EHMT1: variants seen among roughly 807,000 people sequenced by gnomAD.
EHMT1 encodes histone-lysine N-methyltransferase EHMT1.
A neutral mutation model predicts 147.2 loss-of-function variants in EHMT1; 15 were observed. That is an observed-to-expected ratio of 0.10 (90% CI 0.07 to 0.16). The LOEUF is 0.16. EHMT1 is among the 10% of genes least tolerant of loss of function. The pLI is 1.00. For missense variants in EHMT1, 1,587 were observed against 1,772.4 expected (o/e 0.90, Z 1.88); for synonymous variants, 795 against 709.6 (o/e 1.12, Z -1.91).
chr9:137,620,391 G>A (rs1273791189), intron 1 of EHMT1, among the ~76,000 whole-genome samples: 1 of 152,070 alleles, frequency 6.6e-6, no homozygotes, highest in Non-Finnish European at 1.5e-5. Flanking sequence ...AGCAGGTGCT[G>A]TTATTTCCTT....
intron 1 of EHMT1, among the ~76,000 whole-genome samples, chr9:137,626,542 A>AG (rs1843271281): frequency 1.3e-5 from 2 of 151,896 alleles, no homozygotes; most frequent in African/African-American, 4.8e-5. Context: ...AAAAAAAAAA[A>AG]AAAAAGTTGT....
chr9:137,725,779 C>T (rs1946564314), intron 3 of EHMT1, among the ~76,000 whole-genome samples: 1 of 152,122 alleles, frequency 6.6e-6, no homozygotes, highest in African/African-American at 2.4e-5. Context: ...GAGGTGGAGA[C>T]CGTGAGGCCG....
chr9:137,748,769 C>G (rs750406168), intron 6 of EHMT1, among the ~76,000 whole-genome samples: 1 of 152,196 alleles, frequency 6.6e-6, no homozygotes, highest in Non-Finnish European at 1.5e-5. Context: ...TATTCACATC[C>G]CAAACATTTA....
intron 16 of EHMT1, among the ~76,000 whole-genome samples, chr9:137,797,114 C>T (rs1044138789): frequency 3.3e-5 from 5 of 151,688 alleles, no homozygotes; most frequent in Non-Finnish European, 5.9e-5. Context: ...GATAACTTCT[C>T]GGAAGGAGGC....
Position 137,758,021 on chromosome 9 carries a change from G to A in EHMT1, c.1501+10G>A. 6.2e-7 allele frequency: 1 copy of A among 1,614,044 alleles called. No homozygotes were observed. The highest frequency in any genetic ancestry group is 1.7e-5 in the Admixed American group (1 of 60,026). On this transcript the variant is annotated intron_variant, in intron 9 of 26. Coordinates refer to ENST00000460843, the MANE Select transcript of EHMT1 (RefSeq NM_024757.5). ...TCTTCACAAGCAGAAGGTGAATGTG[G>A]TGGTGTAACTTAGACCGGGCACCAT... is the stretch of plus-strand genomic sequence containing the variant.
At chr9:137,728,227 A>G (rs1946800058) in intron 3 of EHMT1, 122 bp from the exon 4 acceptor site, 1 of 1,394,256 alleles carries the variant, frequency 7.2e-7, no homozygotes, top group Non-Finnish European at 1.0e-6. Flanking sequence ...TCCTCTCTCC[A>G]TTGTATCTCA....
In EHMT1 at chr9:137,754,258, C is replaced by T. The variant is rs1394339903; in HGVS notation, c.1336C>T (p.Arg446Trp). 8.7e-6 allele frequency: 14 copies of T among 1,613,886 alleles called. No individual in the cohort carries two copies. Among genetic ancestry groups the T allele is most frequent in the African/African-American group, 1.3e-5 (1 of 74,870 alleles). Residue 446 changes from arginine to tryptophan, a missense_variant, in exon 8 of 27, where the codon CGG becomes TGG. Arg to Trp is a moderately radical substitution (Grantham distance 101, BLOSUM62 -3). Coordinates refer to ENST00000460843, the MANE Select transcript of EHMT1 (RefSeq NM_024757.5). ...GATCAAGCCAGCCAGGAAAAGGAGG[C>T]GGAGAAGTAGAAAGAAGCCCAGCGG... Reference protein sequence around the residue: ...PWIKPARKRRRRSRKKPSGAL... With the variant: ...PWIKPARKRRWRSRKKPSGAL...
At position 137,787,222 on chromosome 9, in the gene EHMT1, T is replaced by G. The variant is rs80265092; in HGVS notation, c.2383-3626T>G. The G allele has an allele frequency of 6.6e-6, 1 of 152,240 alleles. No homozygotes were observed. The highest frequency in any genetic ancestry group is 2.4e-5 in the African/African-American group (1 of 41,384). The allele number at this position is 152,240 out of a possible 1,614,324, so 9.4% of individuals were successfully genotyped here. On this transcript the variant is annotated intron_variant, in intron 15 of 26. Transcript: ENST00000460843. This position sits in a 1 kb window ranked among gnomAD's most constrained non-coding sequence, Gnocchi z 4.2. The stretch of plus-strand genomic sequence containing the variant: ...TCTGTCATCTCTCATTAAAAAAAAA[T>G]GTTGTAAATTCCTTTACTGTTATCT...
chr9:137,681,343 C>T (rs1187646592), intron 1 of EHMT1, among the ~76,000 whole-genome samples: 1 of 152,144 alleles, frequency 6.6e-6, no homozygotes, highest in Non-Finnish European at 1.5e-5. Context: ...AGCTCCAGGC[C>T]TCAGGATTTT....
chr9:137,780,296 A>ACGCTGAGATGTGTGGTGATGACGGCAT (rs1554880622), intron 14 of EHMT1, among the ~76,000 whole-genome samples: 52 of 129,954 alleles, frequency 4.0e-4, no homozygotes, highest in Non-Finnish European at 6.5e-4. Context: ...TGTGGTGATG[A>ACGCTGAGATGTGTGGTGATGACGGCAT]CGCTGAGATG....
At chr9:137,623,074 G>A (rs1299849345) in intron 1 of EHMT1, among the ~76,000 whole-genome samples, 2 of 151,700 alleles carry the variant, frequency 1.3e-5, no homozygotes, top group Admixed American at 6.6e-5. Context: ...TTAGCCGGGT[G>A]TGGTGGCGGC....
chr9:137,686,866 G>A (rs1040949595), intron 1 of EHMT1, among the ~76,000 whole-genome samples: 1 of 151,960 alleles, frequency 6.6e-6, no homozygotes, highest in East Asian at 1.9e-4. Flanking sequence ...GAGTAGCTGG[G>A]ACTACGGGCG....
rs557558005 is a variant in EHMT1, at chr9:137,782,615, C to G, written c.2382+218C>G. Reference sequence around the variant, plus strand: ...ACCACGGCCTTTGAGAAGAGCATGCCGCCATTTGGCTGTTTCTTGATTTGC... The same window carrying G: ...ACCACGGCCTTTGAGAAGAGCATGCGGCCATTTGGCTGTTTCTTGATTTGC... On this transcript the variant is annotated intron_variant, in intron 15 of 26. Transcript: ENST00000460843. This position sits in a 1 kb window ranked among gnomAD's most constrained non-coding sequence, Gnocchi z 5.7. Among the ~76,000 whole-genome samples, 1 of 152,240 alleles carries G rather than the reference C, an allele frequency of 6.6e-6. No homozygotes were observed. Among genetic ancestry groups the G allele is most frequent in the East Asian group, 1.9e-4 (1 of 5,176 alleles).
chr9:137,712,969 G>A (rs947531289), intron 2 of EHMT1, among the ~76,000 whole-genome samples: 3 of 152,028 alleles, frequency 2.0e-5, no homozygotes, highest in Non-Finnish European at 4.4e-5. Flanking sequence ...TTTGAAGTAG[G>A]GGTCCCAGTT....
At chr9:137,756,855 A>G (rs1046090296) in intron 8 of EHMT1, among the ~76,000 whole-genome samples, 21 of 152,064 alleles carry the variant, frequency 1.4e-4, no homozygotes, top group African/African-American at 4.1e-4. Context: ...CTGTTCTTCA[A>G]GTTGATGATG....
intron 1 of EHMT1, among the ~76,000 whole-genome samples, chr9:137,682,894 G>C (rs968900374): frequency 6.6e-6 from 1 of 152,210 alleles, no homozygotes; most frequent in African/African-American, 2.4e-5. Flanking sequence ...GAACAGGTGC[G>C]CTGCCTGCAG....
intron 25 of EHMT1, 84 bp from the exon 26 acceptor site, chr9:137,834,265 G>T: frequency 1.3e-6 from 2 of 1,557,756 alleles, no homozygotes; most frequent in Non-Finnish European, 1.7e-6. Flanking sequence ...CAGGCTCCGG[G>T]ACTGCCATGC....
At position 137,782,909 on chromosome 9, in the gene EHMT1, C is replaced by T. The variant is rs899975339; in HGVS notation, c.2382+512C>T. On this transcript the variant is annotated intron_variant, in intron 15 of 26. Coordinates refer to ENST00000460843, the MANE Select transcript of EHMT1 (RefSeq NM_024757.5). The surrounding 1 kb of genome is among the most constrained non-coding windows in gnomAD (Gnocchi z 5.7). ...AACCATCTGAACGCTGCCCGCTTGT[C>T]TCTGGGTTCAGACACACGACGCTGT... Among the ~76,000 whole-genome samples, 2 of 152,146 alleles carry T rather than the reference C, an allele frequency of 1.3e-5. No individual in the cohort carries two copies. Among genetic ancestry groups the T allele is most frequent in the Non-Finnish European group, 2.9e-5 (2 of 68,026 alleles).
intron 15 of EHMT1, chr9:137,784,533 G>A (rs867144386): frequency 1.7e-5 from 11 of 652,282 alleles, no homozygotes; most frequent in African/African-American, 1.2e-4. Flanking sequence ...TTTTGAATTG[G>A]TTTTATTTTG....
Sources: allele counts gnomAD v4.1 joint callset (sites outside exome capture counted in the v4.1 genomes callset), GRCh38; gene constraint gnomAD v4.1.1; non-coding constraint Gnocchi (gnomAD v3.1); transcripts MANE v1.5; gene names NCBI Gene and HGNC (gene_info 2026-07-23, HGNC 2026-07-21).